PAPSS1: variants seen among roughly 807,000 people sequenced by gnomAD.
PAPSS1 encodes the protein bifunctional 3'-phosphoadenosine 5'-phosphosulfate synthase 1.
Under a neutral mutation model 72.0 loss-of-function variants are expected in PAPSS1, and 50 were observed. The observed-to-expected ratio is 0.69, with a 90% CI of 0.55 to 0.88. The LOEUF (loss-of-function observed/expected upper bound fraction) is 0.88. Among genes scored for constraint, PAPSS1 ranks in the 40% least tolerant of loss-of-function variants. PAPSS1 has a pLI of 0.00. For missense variants in PAPSS1, 657 were observed against 782.2 expected (o/e 0.84, Z 1.91); for synonymous variants, 261 against 263.6 (o/e 0.99, Z 0.09).
intron 10 of PAPSS1, among the ~76,000 whole-genome samples, chr4:107,633,812 G>C (rs1726285952): frequency 6.6e-6 from 1 of 151,902 alleles, no homozygotes; most frequent in Non-Finnish European, 1.5e-5. Context: ...ACAGCTACTC[G>C]GGAGGCTGAG....
rs758756209 is a variant in PAPSS1 at position 107,614,215 on chromosome 4, A to G, written c.*34T>C. ...TATGTGGTCCCCTCTTGTTACTAGTAATGTGTCAAAGGTGGAGTGACTGGG... is the reference window on the plus strand; with the variant it reads ...TATGTGGTCCCCTCTTGTTACTAGTGATGTGTCAAAGGTGGAGTGACTGGG... On this transcript the variant is annotated 3_prime_UTR_variant, in exon 12 of 12. Coordinates refer to ENST00000265174, the MANE Select transcript of PAPSS1 (RefSeq NM_005443.5). 4 of 1,596,626 alleles carry G rather than the reference A, an allele frequency of 2.5e-6. No homozygotes were observed. Among genetic ancestry groups the G allele is most frequent in the Non-Finnish European group, 3.4e-6 (4 of 1,168,304 alleles).
chr4:107,675,401 C>A (rs1477912396), intron 5 of PAPSS1, among the ~76,000 whole-genome samples: 1 of 152,094 alleles, frequency 6.6e-6, no homozygotes, highest in East Asian at 1.9e-4. Flanking sequence ...AGAATACTAT[C>A]AACACCTCTA....
chr4:107,696,881 G>C (rs1438048855), intron 2 of PAPSS1, among the ~76,000 whole-genome samples: 3 of 152,130 alleles, frequency 2.0e-5, no homozygotes, highest in Non-Finnish European at 4.4e-5. Flanking sequence ...CATCCTACAA[G>C]TGTCTACAAT....
intron 5 of PAPSS1, among the ~76,000 whole-genome samples, chr4:107,669,355 T>C (rs981835589): frequency 7.9e-5 from 12 of 152,216 alleles, no homozygotes; most frequent in Admixed American, 7.9e-4. Flanking sequence ...AAAAGACAGA[T>C]ATAGTTGTGT....
chr4:107,644,118 G>A (rs1726631536), intron 10 of PAPSS1, among the ~76,000 whole-genome samples: 1 of 152,190 alleles, frequency 6.6e-6, no homozygotes, highest in African/African-American at 2.4e-5. Context: ...GCTCTTTCGG[G>A]TAGTGAGGAG....
chr4:107,694,679 AGCACTC>A (rs1163595139), intron 2 of PAPSS1, among the ~76,000 whole-genome samples: 1 of 152,216 alleles, frequency 6.6e-6, no homozygotes. Flanking sequence ...CTAGATCATC[AGCACTC>A]ACAAACCACC....
intron 11 of PAPSS1, among the ~76,000 whole-genome samples, chr4:107,614,665 C>T (rs1210467834): frequency 6.6e-6 from 1 of 152,148 alleles, no homozygotes; most frequent in Non-Finnish European, 1.5e-5. Flanking sequence ...AGCCAGTCAC[C>T]ATTGTACCCT....
intron 2 of PAPSS1, chr4:107,694,224 C>T: frequency 2.0e-6 from 1 of 503,992 alleles, no homozygotes; most frequent in Non-Finnish European, 3.5e-6. Context: ...CCACATCCAA[C>T]TTATTTTATT....
At chr4:107,704,232 G>C (rs1181926166) in intron 1 of PAPSS1, among the ~76,000 whole-genome samples, 3 of 152,172 alleles carry the variant, frequency 2.0e-5, no homozygotes, top group African/African-American at 7.2e-5. Context: ...TATTCTAACA[G>C]TCTTCTGGTG....
At chr4:107,653,112 T>C (rs921191518) in intron 9 of PAPSS1, among the ~76,000 whole-genome samples, 1 of 145,232 alleles carries the variant, frequency 6.9e-6, no homozygotes. Flanking sequence ...TGAATATATA[T>C]GAATATATAC....
At position 107,614,332 on chromosome 4, in the gene PAPSS1, C is replaced by T; in HGVS notation, c.1792G>A (p.Gly598Ser). Residue 598 changes from glycine to serine, a missense_variant, in exon 12 of 12, where the codon GGC (glycine) becomes AGC (serine). Gly to Ser is a moderately conservative substitution (Grantham distance 56). Coordinates refer to ENST00000265174, the MANE Select transcript of PAPSS1 (RefSeq NM_005443.5). The stretch of plus-strand genomic sequence containing the variant: ...ATGAAACCTTCAGGTGGTTTCTGGC[C>T]TTCTCGAGCAAGTTTGCGCATTCGT... ...GTRMRKLARE[G>S]QKPPEGFMAP... 6.2e-7 allele frequency: 1 copy of T among 1,613,918 alleles called. No homozygotes were observed. The highest frequency in any genetic ancestry group is 8.5e-7 in the Non-Finnish European group (1 of 1,179,880).
chr4:107,616,912 A>G (rs1296900897), intron 11 of PAPSS1, among the ~76,000 whole-genome samples: 1 of 152,176 alleles, frequency 6.6e-6, no homozygotes, highest in Non-Finnish European at 1.5e-5. Flanking sequence ...TAGAAGTTTC[A>G]GCATGCCCTT....
chr4:107,644,399 C>A (rs1726638074), intron 10 of PAPSS1, among the ~76,000 whole-genome samples: 1 of 152,180 alleles, frequency 6.6e-6, no homozygotes, highest in South Asian at 2.1e-4. Context: ...AGAATTTAAA[C>A]AAACAGGCTT....
chr4:107,657,221 A>G (rs968209279), intron 6 of PAPSS1, among the ~76,000 whole-genome samples: 1 of 152,176 alleles, frequency 6.6e-6, no homozygotes, highest in African/African-American at 2.4e-5. Flanking sequence ...AGTATTTCTA[A>G]TAAAGACAGC....
rs1725760393 is a variant in PAPSS1 at position 107,614,194 on chromosome 4, T to G, written c.*55A>C. ...CAAAGAAATGCCAACAGAGACTATGTGGTCCCCTCTTGTTACTAGTAATGT... is the reference window on the plus strand; with the variant it reads ...CAAAGAAATGCCAACAGAGACTATGGGGTCCCCTCTTGTTACTAGTAATGT... On this transcript the variant is annotated 3_prime_UTR_variant, in exon 12 of 12. Coordinates refer to ENST00000265174, the MANE Select transcript of PAPSS1 (RefSeq NM_005443.5). 3.2e-6 allele frequency: 5 copies of G among 1,540,460 alleles called. No homozygotes were observed. The highest frequency in any genetic ancestry group is 1.7e-4 in the Middle Eastern group (1 of 5,830).
chr4:107,627,411 T>A (rs1206687667), intron 11 of PAPSS1, among the ~76,000 whole-genome samples: 2 of 152,318 alleles, frequency 1.3e-5, no homozygotes, highest in African/African-American at 2.4e-5. Flanking sequence ...ACAAACTAAA[T>A]AAATCTCATG....
At chr4:107,719,758 C>G in intron 1 of PAPSS1, 1 of 1,080,426 alleles carries the variant, frequency 9.3e-7, no homozygotes. Flanking sequence ...GCAGGAAGCT[C>G]CTGTTTCTGC....
chr4:107,685,258 G>A (rs1722751369), intron 4 of PAPSS1, among the ~76,000 whole-genome samples: 1 of 152,164 alleles, frequency 6.6e-6, no homozygotes, highest in African/African-American at 2.4e-5. Context: ...TGTGACAGGT[G>A]TATGCTTTGG....
rs181865446 is a variant in PAPSS1, at chr4:107,633,085, A to C, written c.1507-1225T>G. Among the ~76,000 whole-genome samples, 16 of 152,352 alleles carry C rather than the reference A, an allele frequency of 1.1e-4. No homozygotes were observed. The East Asian group carries it at 3.1e-3, about 29-fold the overall frequency. The stretch of plus-strand genomic sequence containing the variant: ...GATGTTTGCCTGCATGTTTTCAAAC[A>C]GCATGCTTACACTTTGTTATGACTG... On this transcript the variant is annotated intron_variant, in intron 10 of 11. Coordinates refer to ENST00000265174, the MANE Select transcript of PAPSS1 (RefSeq NM_005443.5).
Sources: allele counts gnomAD v4.1 joint callset (sites outside exome capture counted in the v4.1 genomes callset), GRCh38; gene constraint gnomAD v4.1.1; transcripts MANE v1.5; gene names NCBI Gene and HGNC (gene_info 2026-07-23, HGNC 2026-07-21).